The following NAV3 variants were observed in gnomAD, a reference collection of about 807,000 sequenced individuals.
The protein encoded by NAV3 is pore membrane and/or filament interacting like protein 1.
A neutral mutation model predicts 244.7 loss-of-function variants in NAV3; 87 were observed. The ratio of observed to expected loss-of-function variants is 0.36; its 90% CI spans 0.30 to 0.42. NAV3 has a LOEUF of 0.42. Among genes scored for constraint, NAV3 ranks in the 20% least tolerant of loss-of-function variants. The pLI, the probability that NAV3 is intolerant of heterozygous loss-of-function variation, is 1.00. For synonymous variants in NAV3, 1,126 were observed against 1,042.2 expected, an observed-to-expected ratio of 1.08 and a Z score of -1.55; for missense variants, 2,663 against 2,893.3, an observed-to-expected ratio of 0.92 and a Z score of 1.83.
chr12:77,612,171 AATTAT>A (rs10572663), intron 2 of NAV3, among the ~76,000 whole-genome samples: 6,157 of 152,144 alleles, frequency 0.04, 234 homozygotes, highest in African/African-American at 0.099. Flanking sequence ...TTGTTGGATA[AATTAT>A]ATTATAATAT....
chr12:77,842,620 G>A (rs2136179610), intron 1 of NAV3, among the ~76,000 whole-genome samples: 1 of 151,050 alleles, frequency 6.6e-6, no homozygotes, highest in African/African-American at 2.4e-5. Flanking sequence ...CCTCTCTCTT[G>A]GCTTGGAGGT....
intron 1 of NAV3, among the ~76,000 whole-genome samples, chr12:77,859,470 A>C (rs1315459248): frequency 1.3e-5 from 2 of 152,020 alleles, no homozygotes; most frequent in African/African-American, 4.8e-5. Context: ...TTTTAGGCTT[A>C]AGGAAATCAG....
intron 39 of NAV3, among the ~76,000 whole-genome samples, chr12:78,207,275 T>C (rs1403360549): frequency 6.6e-6 from 1 of 152,172 alleles, no homozygotes; most frequent in Non-Finnish European, 1.5e-5. Context: ...GAGAGACTTT[T>C]TGAATCTGAA....
intron 34 of NAV3, among the ~76,000 whole-genome samples, chr12:78,195,203 G>C (rs897200199): frequency 6.6e-5 from 10 of 151,832 alleles, no homozygotes; most frequent in African/African-American, 2.4e-4. Context: ...AACTTCTTCT[G>C]CATGGATTCA....
intron 1 of NAV3, among the ~76,000 whole-genome samples, chr12:77,939,505 C>A (rs1258379782): frequency 6.6e-6 from 1 of 152,030 alleles, no homozygotes; most frequent in African/African-American, 2.4e-5. Flanking sequence ...GCATATGTAC[C>A]ACCCATAAAG....
chr12:77,733,303 A>T (rs1036015265), intron 2 of NAV3, among the ~76,000 whole-genome samples: 4 of 152,042 alleles, frequency 2.6e-5, no homozygotes, highest in African/African-American at 9.7e-5. Flanking sequence ...TTAGATGAAA[A>T]ACCATTTATC....
At chr12:77,709,823 A>C (rs910788973) in intron 2 of NAV3, among the ~76,000 whole-genome samples, 3 of 152,170 alleles carry the variant, frequency 2.0e-5, no homozygotes, top group African/African-American at 7.2e-5. Flanking sequence ...CATAGAGTAG[A>C]TACTTAGTTA....
intron 23 of NAV3, among the ~76,000 whole-genome samples, chr12:78,163,217 A>T (rs1387537960): frequency 6.6e-6 from 1 of 151,940 alleles, no homozygotes; most frequent in African/African-American, 2.4e-5. Flanking sequence ...AACTACATCA[A>T]AATTGTCATT....
chr12:78,059,725 A>G (rs1209567940), intron 12 of NAV3, among the ~76,000 whole-genome samples: 1 of 152,168 alleles, frequency 6.6e-6, no homozygotes, highest in African/African-American at 2.4e-5. Flanking sequence ...ATATCTATAA[A>G]AGCAGAATTA....
chr12:77,645,536 T>TAAAAAAAAAAAAAAAAAAAAAAAA lies in NAV3; in HGVS notation c.72+73271_72+73294dup, dbSNP rs756805711. ...GAATTCATGGAGAGCTCTCTCTCTCTAAAAAAAAAAAAAAAAAAAAAAAAC... is the reference window on the plus strand; with the variant it reads ...GAATTCATGGAGAGCTCTCTCTCTCTAAAAAAAAAAAAAAAAAAAAAAAAAAAAAAAAAAAAAAAAAAAAAAAAC... On this transcript the variant is annotated intron_variant, in intron 2 of 8. Transcript: ENST00000550042. Among the ~76,000 whole-genome samples the TAAAAAAAAAAAAAAAAAAAAAAAA allele has an allele frequency of 7.9e-5, 5 of 63,012 alleles. 1 individual carries two copies. Among genetic ancestry groups the TAAAAAAAAAAAAAAAAAAAAAAAA allele is most frequent in the African/African-American group, 3.6e-4 (5 of 13,770 alleles). 41.3% of individuals were successfully genotyped at this position (63,012 alleles called of 152,430 possible).
intron 2 of NAV3, among the ~76,000 whole-genome samples, chr12:77,579,867 C>G (rs1869269834): frequency 6.6e-6 from 1 of 152,192 alleles, no homozygotes; most frequent in Non-Finnish European, 1.5e-5. Flanking sequence ...TGTCAAATTA[C>G]TCAACTTCTG....
intron 2 of NAV3, among the ~76,000 whole-genome samples, chr12:77,765,808 T>A (rs764295867): frequency 2.6e-5 from 4 of 151,550 alleles, no homozygotes; most frequent in Admixed American, 2.0e-4. Flanking sequence ...CAACTAGATA[T>A]GAAAAGAATA....
chr12:77,614,074 C>CTTTTT (rs71440485), intron 2 of NAV3, among the ~76,000 whole-genome samples: 1 of 95,650 alleles, frequency 1.0e-5, no homozygotes, highest in African/African-American at 4.1e-5. Flanking sequence ...TTCTTTCTCT[C>CTTTTT]TTTTTTTTTT....
intron 2 of NAV3, among the ~76,000 whole-genome samples, chr12:77,795,497 AAC>A (rs1371834617): frequency 1.3e-5 from 2 of 152,158 alleles, no homozygotes; most frequent in Non-Finnish European, 2.9e-5. Flanking sequence ...TACACTAAAC[AAC>A]AGACTTTCAA....
chr12:78,177,209 C>T lies in NAV3; in HGVS notation c.5193C>T (p.Asp1731=), dbSNP rs1388078373. The T allele has an allele frequency of 6.2e-7, 1 of 1,613,542 alleles. No individual in the cohort carries two copies. Among genetic ancestry groups the T allele is most frequent in the South Asian group, 1.1e-5 (1 of 91,062 alleles). ...KSTKPPSSHS[D]IEELTDSSLP... ...CCAAGCCTCCTTCATCACATTCTGA[C>T]ATTGAAGAGCTTACTGATTCATCCC... The change falls in exon 27 of 40, where the codon GAC becomes GAT. Residue 1731 remains aspartate, a synonymous_variant. Coordinates refer to ENST00000397909, the MANE Select transcript of NAV3 (RefSeq NM_001024383.2).
chr12:77,602,689 G>A (rs941342592), intron 2 of NAV3, among the ~76,000 whole-genome samples: 3 of 151,860 alleles, frequency 2.0e-5, no homozygotes, highest in East Asian at 1.9e-4. Flanking sequence ...TTTTGGACCC[G>A]ATTTCACTAC....
At chr12:77,609,789 C>T (rs17043960) in intron 2 of NAV3, among the ~76,000 whole-genome samples, 3,203 of 152,120 alleles carry the variant, frequency 0.021, 46 homozygotes, top group Middle Eastern at 0.068. Context: ...CTTCACAAGG[C>T]AATCCTCAAG....
intron 34 of NAV3, among the ~76,000 whole-genome samples, chr12:78,190,602 G>T: frequency 6.6e-6 from 1 of 151,998 alleles, no homozygotes; most frequent in Non-Finnish European, 1.5e-5. Flanking sequence ...ATAGTTTGTT[G>T]GATCTTAATA....
intron 1 of NAV3, among the ~76,000 whole-genome samples, chr12:77,913,299 T>C (rs1886798949): frequency 1.3e-5 from 2 of 152,098 alleles, no homozygotes; most frequent in African/African-American, 4.8e-5. Flanking sequence ...TATAATACCT[T>C]TATTCTTATT....
Sources: gnomAD v4.1 joint callset for allele counts (sites outside exome capture counted in the v4.1 genomes callset) on GRCh38, gnomAD v4.1.1 for gene constraint, MANE v1.5 for transcripts, NCBI Gene and HGNC (gene_info 2026-07-23, HGNC 2026-07-21) for gene names.